VWA5B1: variants seen among roughly 807,000 people sequenced by gnomAD.
The protein encoded by VWA5B1 is von Willebrand factor A domain-containing protein 5B1.
Under a neutral mutation model 118.2 loss-of-function variants are expected in VWA5B1, and 115 were observed. That is an observed-to-expected ratio of 0.97 (90% CI 0.84 to 1.14). The LOEUF (loss-of-function observed/expected upper bound fraction) is 1.14, where lower values mean the gene tolerates loss of function less well. Ranked by LOEUF, VWA5B1 falls within the 50% of genes most tolerant of loss-of-function variation. The pLI, the probability that VWA5B1 is intolerant of heterozygous loss-of-function variation, is 0.00. For missense variants in VWA5B1, 1,596 were observed against 1,603.8 expected (o/e 1.00, Z 0.08); for synonymous variants, 682 against 658.4 (o/e 1.04, Z -0.55).
intron 1 of VWA5B1, 43 bp downstream of exon 1, chr1:20,291,131 AGG>A (rs1207439077): frequency 6.7e-6 from 1 of 149,468 alleles, no homozygotes; most frequent in African/African-American, 2.5e-5. Flanking sequence ...AGGCTGGACA[AGG>A]GGGCTGCTCT....
At chr1:20,348,659 TGCCTCCA>T (rs1239359570) in intron 18 of VWA5B1, among the ~76,000 whole-genome samples, 2 of 152,184 alleles carry the variant, frequency 1.3e-5, no homozygotes, top group Non-Finnish European at 2.9e-5. Flanking sequence ...TGCTGTTCCC[TGCCTCCA>T]GCCTCTGAGT....
chr1:20,314,917 G>T (rs1215163824), intron 4 of VWA5B1, among the ~76,000 whole-genome samples: 1 of 152,194 alleles, frequency 6.6e-6, no homozygotes, highest in Admixed American at 6.5e-5. Context: ...ACACTGAGCT[G>T]GTTGTTAGGG....
At chr1:20,313,133 C>T (rs1242640859) in intron 3 of VWA5B1, 145 bp downstream of exon 3, 8 of 1,138,532 alleles carry the variant, frequency 7.0e-6, no homozygotes, top group Admixed American at 5.7e-5. Flanking sequence ...TGGACAGAAT[C>T]CTGTGCCACC....
At chr1:20,351,948 G>A (rs1365263621) in intron 20 of VWA5B1, 107 bp from the exon 21 acceptor site, 12 of 763,930 alleles carry the variant, frequency 1.6e-5, no homozygotes, top group Admixed American at 2.9e-5. Context: ...AGATAAGGAG[G>A]CTGGAGGGAG....
intron 1 of VWA5B1, among the ~76,000 whole-genome samples, chr1:20,294,935 G>C (rs1453168586): frequency 6.6e-6 from 1 of 152,214 alleles, no homozygotes; most frequent in Non-Finnish European, 1.5e-5. Flanking sequence ...ATAAAACTGA[G>C]CCTTGGAGAG....
At chr1:20,336,961 G>A (rs1025962754) in intron 13 of VWA5B1, among the ~76,000 whole-genome samples, 2 of 152,090 alleles carry the variant, frequency 1.3e-5, no homozygotes, top group South Asian at 2.1e-4. Flanking sequence ...TCTGCTAGAG[G>A]ATATCCACAA....
intron 1 of VWA5B1, among the ~76,000 whole-genome samples, chr1:20,310,287 G>C (rs1168162887): frequency 6.6e-6 from 1 of 152,150 alleles, no homozygotes; most frequent in African/African-American, 2.4e-5. Flanking sequence ...GGCTCACTGG[G>C]CTCTAGCCCT....
chr1:20,348,195 G>A, intron 17 of VWA5B1, 50 bp from the exon 18 acceptor site: 1 of 1,498,266 alleles, frequency 6.7e-7, no homozygotes, highest in South Asian at 1.2e-5. Flanking sequence ...AAAGGCAAAG[G>A]ACTGGCACAT....
At chr1:20,345,710 C>T in intron 17 of VWA5B1, 117 bp downstream of exon 17, 1 of 1,387,816 alleles carries the variant, frequency 7.2e-7, no homozygotes. Flanking sequence ...GAGACAGGGC[C>T]TAGAAGCAGA....
chr1:20,306,749 T>C (rs942375684), intron 1 of VWA5B1, among the ~76,000 whole-genome samples: 3 of 152,106 alleles, frequency 2.0e-5, no homozygotes, highest in South Asian at 2.1e-4. Context: ...CAGAAAAGTG[T>C]TGGTATTTAA....
At chr1:20,332,462 A>T in intron 11 of VWA5B1, among the ~76,000 whole-genome samples, 1 of 147,198 alleles carries the variant, frequency 6.8e-6, no homozygotes, top group African/African-American at 2.5e-5. Flanking sequence ...CCTGGGTGAC[A>T]GAGCCAGACT....
At chr1:20,322,200 A>C (rs765812827) in intron 7 of VWA5B1, among the ~76,000 whole-genome samples, 4 of 152,152 alleles carry the variant, frequency 2.6e-5, no homozygotes, top group Non-Finnish European at 4.4e-5. Context: ...ACTGAGGACA[A>C]CTGTTAGGCG....
intron 20 of VWA5B1, among the ~76,000 whole-genome samples, 194 bp downstream of exon 20, chr1:20,351,120 CTT>C (rs1242416362): frequency 1.3e-5 from 2 of 152,218 alleles, no homozygotes; most frequent in African/African-American, 2.4e-5. Flanking sequence ...CCCCACTTTA[CTT>C]TATCTCCCAC....
At chr1:20,300,762 G>T (rs2088487574) in intron 1 of VWA5B1, among the ~76,000 whole-genome samples, 1 of 152,182 alleles carries the variant, frequency 6.6e-6, no homozygotes, top group South Asian at 2.1e-4. Flanking sequence ...ACTGTTTTAG[G>T]CACCGTTCCA....
At position 20,328,526 on chromosome 1, in the gene VWA5B1, A is replaced by G. The variant is rs190549975; in HGVS notation, c.1254+526A>G. ...GAGCATCCTACCCAGATCTAAGAAG[A>G]GGAAGAGAGGGAGGGAGGAAGGAAG... On this transcript the variant is annotated intron_variant, in intron 9 of 21. Coordinates refer to ENST00000289815, the MANE Select transcript of VWA5B1 (RefSeq NM_001039500.3). Among the ~76,000 whole-genome samples, 6 of 152,232 alleles carry G rather than the reference A, an allele frequency of 3.9e-5. No individual in the cohort carries two copies. In the East Asian group the frequency reaches 1.2e-3, roughly 29 times the overall value.
At chr1:20,305,548 C>G (rs1557830905) in intron 1 of VWA5B1, among the ~76,000 whole-genome samples, 3 of 152,046 alleles carry the variant, frequency 2.0e-5, no homozygotes, top group Admixed American at 6.6e-5. Flanking sequence ...AGAAGAGTGA[C>G]AGTCTTGGAG....
At chr1:20,343,486 G>C in intron 16 of VWA5B1, 93 bp downstream of exon 16, 1 of 1,427,648 alleles carries the variant, frequency 7.0e-7, no homozygotes, top group Non-Finnish European at 9.1e-7. Context: ...CGCCCCCGGT[G>C]ATCCTCTCAG....
chr1:20,345,320 G>C (rs2089983156), intron 16 of VWA5B1, 136 bp from the exon 17 acceptor site: 8 of 1,123,668 alleles, frequency 7.1e-6, no homozygotes, highest in Non-Finnish European at 1.0e-5. Flanking sequence ...AAGTTGGCAA[G>C]CCCTTGATTT....
chr1:20,346,596 C>T (rs1028407086), intron 17 of VWA5B1, among the ~76,000 whole-genome samples: 1 of 152,150 alleles, frequency 6.6e-6, no homozygotes, highest in Admixed American at 6.5e-5. Context: ...CAAACTGCCC[C>T]CTTACCATCC....
Sources: gnomAD v4.1 joint callset for allele counts (sites outside exome capture counted in the v4.1 genomes callset) on GRCh38, gnomAD v4.1.1 for gene constraint, MANE v1.5 for transcripts, NCBI Gene and HGNC (gene_info 2026-07-23, HGNC 2026-07-21) for gene names.